ZNF248: variants seen among roughly 807,000 people sequenced by gnomAD.
The protein encoded by ZNF248 is KRAB protein domain.
ZNF248 carries 20 observed loss-of-function variants against 44.3 expected under a neutral mutation model. The ratio of observed to expected loss-of-function variants is 0.45; its 90% confidence interval spans 0.32 to 0.66. ZNF248 has a LOEUF of 0.66. Among genes scored for constraint, ZNF248 ranks in the 30% least tolerant of loss-of-function variants. The pLI, the probability that ZNF248 is intolerant of heterozygous loss-of-function variation, is 0.04. For synonymous variants in ZNF248, 224 were observed against 229.0 expected, an observed-to-expected ratio of 0.98 and a Z score of 0.20; for missense variants, 654 against 677.0, an observed-to-expected ratio of 0.97 and a Z score of 0.38.
intron 6 of ZNF248, among the ~76,000 whole-genome samples, chr10:37,810,588 A>C (rs2051334097): frequency 6.6e-6 from 1 of 152,204 alleles, no homozygotes; most frequent in African/African-American, 2.4e-5. Flanking sequence ...AATTTGAAAA[A>C]AACTTGCAGA....
chr10:37,778,595 A>G (rs189631876), intron 6 of ZNF248, among the ~76,000 whole-genome samples: 1 of 152,288 alleles, frequency 6.6e-6, no homozygotes, highest in Non-Finnish European at 1.5e-5. Context: ...GGTGTCTTAG[A>G]CATGAAGTCA....
chr10:37,798,779 A>C (rs557535662), intron 6 of ZNF248, among the ~76,000 whole-genome samples: 3 of 152,194 alleles, frequency 2.0e-5, no homozygotes, highest in Non-Finnish European at 2.9e-5. Flanking sequence ...TTTGTTCCCT[A>C]TAATTCCCTA....
Position 37,831,502 on chromosome 10 carries a change from A to G in ZNF248, c.*113T>C, listed in dbSNP as rs1325313590. 42 of 1,470,878 alleles carry G rather than the reference A, an allele frequency of 2.9e-5. No individual in the cohort carries two copies. The highest frequency in any genetic ancestry group is 3.5e-5 in the Non-Finnish European group (39 of 1,112,918). The allele number at this position is 1,470,878 out of a possible 1,614,324, so 91.1% of individuals were successfully genotyped here. A position where few individuals can be genotyped will look rare whatever the true frequency, so the allele number is the denominator to read the frequency against. On this transcript the variant is annotated 3_prime_UTR_variant, in exon 6 of 6. Transcript: ENST00000395867. ...TTTAATTTTTCTTGAAAGCTTTTAC[A>G]TATTCAAACAAGAAGTCATTTTCTA...
chr10:37,785,414 G>C (rs1449902568), intron 6 of ZNF248, among the ~76,000 whole-genome samples: 1 of 152,146 alleles, frequency 6.6e-6, no homozygotes, highest in Non-Finnish European at 1.5e-5. Flanking sequence ...TCATAAAACA[G>C]GCAGGGAAAC....
intron 3 of ZNF248, among the ~76,000 whole-genome samples, chr10:37,840,639 C>T (rs1035934937): frequency 2.6e-5 from 4 of 151,970 alleles, no homozygotes; most frequent in Admixed American, 6.6e-5. Context: ...CTAAATTAGC[C>T]GGGTGTAGTG....
intron 6 of ZNF248, among the ~76,000 whole-genome samples, chr10:37,814,996 G>C (rs1210030192): frequency 6.6e-6 from 1 of 151,922 alleles, no homozygotes; most frequent in Non-Finnish European, 1.5e-5. Context: ...TCTCTATCTG[G>C]CACTCCGAAC....
chr10:37,828,942 A>C lies in ZNF248; in HGVS notation c.*2673T>G, dbSNP rs959957527. ...AAGGGAGTTTACTTATGCTAACAGG[A>C]AAGCAGAACAAACAGAAACACTTAA... On this transcript the variant is annotated 3_prime_UTR_variant, in exon 6 of 6. Coordinates refer to ENST00000395867, the MANE Select transcript of ZNF248 (RefSeq NM_021045.3). 2.0e-6 allele frequency: 2 copies of C among 985,478 alleles called. No individual in the cohort carries two copies. Among genetic ancestry groups the C allele is most frequent in the Non-Finnish European group, 2.4e-6 (2 of 829,934 alleles). The allele number at this position is 985,478 out of a possible 1,614,324, so 61.0% of individuals were successfully genotyped here. A position where few individuals can be genotyped will look rare whatever the true frequency, so the allele number is the denominator to read the frequency against.
chr10:37,794,449 G>C (rs1269555445), intron 6 of ZNF248: 1 of 161,224 alleles, frequency 6.2e-6, no homozygotes, highest in Admixed American at 6.5e-5. Context: ...CTCTGATGTA[G>C]TGTGAGATTT....
At chr10:37,818,124 G>C (rs2052837822) in intron 6 of ZNF248, among the ~76,000 whole-genome samples, 4 of 151,998 alleles carry the variant, frequency 2.6e-5, no homozygotes, top group Admixed American at 2.6e-4. Flanking sequence ...CACTGTGTTA[G>C]CCAGGATGGT....
At chr10:37,776,036 CTGCCT>C (rs1354318918), downstream of ZNF248, among the ~76,000 whole-genome samples, 2 of 152,178 alleles carry the variant, frequency 1.3e-5, no homozygotes, top group African/African-American at 4.8e-5. Flanking sequence ...CCCCTACTCT[CTGCCT>C]CTATAGGATT....
At chr10:37,773,865 A>C (rs1422243013), downstream of ZNF248, among the ~76,000 whole-genome samples, 1 of 152,180 alleles carries the variant, frequency 6.6e-6, no homozygotes, top group African/African-American at 2.4e-5. Flanking sequence ...GGGCTTCAGA[A>C]AAGGAATTAT....
Position 37,832,575 on chromosome 10 carries a change from A to G in ZNF248, c.780T>C (p.Ser260=), listed in dbSNP as rs2056079467. The change falls in exon 6 of 6, where the codon TCT becomes TCC. Residue 260 remains serine, a synonymous_variant. Coordinates refer to ENST00000395867, the MANE Select transcript of ZNF248 (RefSeq NM_021045.3). ...TFIESLKLNI[S]QRPHLEMEPY... is the part of the protein sequence containing the mutation. ...GCTCCATTTCCAAATGAGGTCTTTG[A>G]GATATATTCAGCTTTAAACTTTCAA... 1.2e-6 allele frequency: 2 copies of G among 1,613,680 alleles called. No individual in the cohort carries two copies. The highest frequency in any genetic ancestry group is 1.7e-5 in the Admixed American group (1 of 59,976).
At chr10:37,819,480 C>A in intron 6 of ZNF248, 1 of 1,479,052 alleles carries the variant, frequency 6.8e-7, no homozygotes, top group Middle Eastern at 2.3e-4. Context: ...TCTATTAGTT[C>A]AAATGCCTTG....
chr10:37,831,247 A>G lies in ZNF248; in HGVS notation c.*368T>C, dbSNP rs1286807666. On this transcript the variant is annotated 3_prime_UTR_variant, in exon 6 of 6. Coordinates refer to ENST00000395867, the MANE Select transcript of ZNF248 (RefSeq NM_021045.3). ...GCATACTCACATAAGGTCTACAAAC[A>G]TCGGGGACTCTTCACATATATGTTT... is the stretch of plus-strand genomic sequence containing the variant. 2 of 1,549,168 alleles carry G rather than the reference A, an allele frequency of 1.3e-6. No individual in the cohort carries two copies. The highest frequency in any genetic ancestry group is 2.7e-5 in the African/African-American group (2 of 72,978).
the ZNF248 span, among the ~76,000 whole-genome samples, chr10:37,769,340 T>C: frequency 3.3e-5 from 5 of 152,150 alleles, no homozygotes; most frequent in African/African-American, 1.2e-4. Context: ...TTTAGACCAA[T>C]ATCCTTGATG....
At chr10:37,826,725 A>C (rs2054449164), downstream of ZNF248, among the ~76,000 whole-genome samples, 1 of 152,210 alleles carries the variant, frequency 6.6e-6, no homozygotes, top group Non-Finnish European at 1.5e-5. Context: ...ATTTCTCTTT[A>C]GAAGCAATTA....
intron 6 of ZNF248, chr10:37,818,638 T>C (rs1407076093): frequency 2.6e-5 from 13 of 496,976 alleles, no homozygotes; most frequent in Non-Finnish European, 4.6e-5. Flanking sequence ...ACCCCAAAGG[T>C]TGATGCAATA....
At chr10:37,819,346 T>C in intron 6 of ZNF248, 1 of 1,170,556 alleles carries the variant, frequency 8.5e-7, no homozygotes, top group Non-Finnish European at 1.3e-6. Context: ...GCTTAATTAT[T>C]CTGGGATGAT....
Position 37,832,968 on chromosome 10 carries a change from A to G in ZNF248, c.387T>C (p.Pro129=). The change falls in exon 6 of 6, where the codon CCT becomes CCC. Residue 129 remains proline, a synonymous_variant. Transcript: ENST00000395867. ...TATAGGGATAATTTCTTAAAGAAAC[A>G]GGGTCTGTGCCCAAATTGAAAGTTT... The part of the protein sequence containing the change: ...GSKTFNLGTD[P]VSLRNYPYKI... 1 of 1,613,770 alleles carries G rather than the reference A, an allele frequency of 6.2e-7. No individual in the cohort carries two copies. Among genetic ancestry groups the G allele is most frequent in the Non-Finnish European group, 8.5e-7 (1 of 1,179,804 alleles).
Sources: gnomAD v4.1 joint callset for allele counts (sites outside exome capture counted in the v4.1 genomes callset) on GRCh38, gnomAD v4.1.1 for gene constraint, MANE v1.5 for transcripts, NCBI Gene and HGNC (gene_info 2026-07-23, HGNC 2026-07-21) for gene names.